Variants in RAB37 observed in about 807,000 individuals in gnomAD.
The protein encoded by RAB37 is RAB37, member RAS oncogene family.
Under a neutral mutation model 33.1 loss-of-function variants are expected in RAB37, and 29 were observed. That is an observed-to-expected ratio of 0.88 (90% CI 0.65 to 1.20). RAB37 has a LOEUF of 1.20. Among genes scored for constraint, RAB37 ranks in the 50% most tolerant of loss-of-function variants. The pLI is 0.00. For synonymous variants in RAB37, 128 were observed against 119.5 expected, an observed-to-expected ratio of 1.07 and a Z score of -0.47; for missense variants, 299 against 301.1, an observed-to-expected ratio of 0.99 and a Z score of 0.05.
At chr17:74,693,139 G>T (rs2032197513) in intron 1 of RAB37, among the ~76,000 whole-genome samples, 1 of 152,220 alleles carries the variant, frequency 6.6e-6, no homozygotes, top group Admixed American at 6.5e-5. Context: ...GCCAAGGAAG[G>T]CCTCTTCTAA....
At chr17:74,712,136 C>G (rs564647635) in intron 1 of RAB37, among the ~76,000 whole-genome samples, 2 of 151,974 alleles carry the variant, frequency 1.3e-5, no homozygotes, top group Non-Finnish European at 2.9e-5. Context: ...GGTCTCGAAT[C>G]CCTGAGCTCA....
At position 74,742,225 on chromosome 17, in the gene RAB37, C is replaced by T. The variant is rs1477147252; in HGVS notation, c.205-29C>T. ...GCTGAGGAGCCACATGACTCCTGCC[C>T]TCCCATCCTCTGCCTTTTTCTCTTT... On this transcript the variant is annotated intron_variant, in intron 2 of 8. Coordinates refer to ENST00000392613, the MANE Select transcript of RAB37 (RefSeq NM_001006638.3). The surrounding 1 kb of genome is among the most constrained non-coding windows in gnomAD (Gnocchi z 4.0). 2 of 1,611,398 alleles carry T rather than the reference C, an allele frequency of 1.2e-6. No individual in the cohort carries two copies. Among genetic ancestry groups the T allele is most frequent in the Admixed American group, 1.7e-5 (1 of 59,812 alleles).
upstream of RAB37, among the ~76,000 whole-genome samples, chr17:74,735,880 G>A (rs1309961410): frequency 6.6e-6 from 1 of 152,126 alleles, no homozygotes; most frequent in Non-Finnish European, 1.5e-5. Context: ...CATAAGCCAC[G>A]TCTACCCCTG....
chr17:74,720,008 T>C (rs1347947845), intron 1 of RAB37, among the ~76,000 whole-genome samples: 4 of 152,216 alleles, frequency 2.6e-5, no homozygotes, highest in Non-Finnish European at 5.9e-5. Flanking sequence ...TTCATCATAC[T>C]ATATACATCA....
intron 1 of RAB37, among the ~76,000 whole-genome samples, chr17:74,697,571 G>C (rs1372339474): frequency 2.6e-5 from 4 of 152,206 alleles, no homozygotes; most frequent in Non-Finnish European, 4.4e-5. Context: ...GGAGGGAGAA[G>C]TGTTGGAGGG....
chr17:74,720,048 T>C (rs2034218486), intron 1 of RAB37, among the ~76,000 whole-genome samples: 1 of 152,188 alleles, frequency 6.6e-6, no homozygotes, highest in Admixed American at 6.5e-5. Flanking sequence ...TGCTTAATAA[T>C]GAACTTTCTC....
chr17:74,728,965 T>A (rs1029926423), intron 1 of RAB37, among the ~76,000 whole-genome samples: 1 of 152,034 alleles, frequency 6.6e-6, no homozygotes, highest in African/African-American at 2.4e-5. Flanking sequence ...GTATGTGTTG[T>A]ACATGTGTGT....
intron 1 of RAB37, chr17:74,705,222 T>A: frequency 1.4e-6 from 1 of 702,506 alleles, no homozygotes; most frequent in South Asian, 1.5e-5. Flanking sequence ...TTAGCACTGA[T>A]GACCCTCATG....
At chr17:74,684,515 C>T (rs904982456) in intron 1 of RAB37, among the ~76,000 whole-genome samples, 7 of 152,002 alleles carry the variant, frequency 4.6e-5, no homozygotes, top group Admixed American at 6.5e-5. Flanking sequence ...GGACTGCGCA[C>T]GGTGGCTTAC....
At chr17:74,737,452 C>T in intron 1 of RAB37, 87 bp downstream of exon 1, 2 of 1,376,570 alleles carry the variant, frequency 1.5e-6, no homozygotes, top group Non-Finnish European at 1.9e-6. Context: ...GCCCTTCCCC[C>T]AGGCAGCTGC....
At chr17:74,737,582 T>TA (rs1017216241) in intron 1 of RAB37, among the ~76,000 whole-genome samples, 10 of 151,172 alleles carry the variant, frequency 6.6e-5, no homozygotes, top group African/African-American at 2.2e-4. Context: ...AACTGAGTGA[T>TA]CCCCCCGCCG....
Position 74,744,668 on chromosome 17 carries a change from G to A in RAB37, c.433-205G>A, listed in dbSNP as rs1314111997. ...GTGCAAAGGGTTAGCCCCAACTGCT[G>A]TCCTATTCCAAGACCCTTTACCAAA... On this transcript the variant is annotated intron_variant, in intron 6 of 8. Transcript: ENST00000392613. The surrounding 1 kb of genome is among the most constrained non-coding windows in gnomAD (Gnocchi z 4.2). 4.6e-6 allele frequency: 3 copies of A among 653,378 alleles called. No individual in the cohort carries two copies. The highest frequency in any genetic ancestry group is 8.0e-6 in the Non-Finnish European group (3 of 372,704). 40.5% of individuals were successfully genotyped at this position (653,378 alleles called of 1,614,324 possible).
At chr17:74,740,990 T>C (rs938449597) in intron 2 of RAB37, 112 bp downstream of exon 2, 12 of 795,282 alleles carry the variant, frequency 1.5e-5, no homozygotes, top group Non-Finnish European at 2.6e-5. Context: ...CCGAGGCTCA[T>C]GCCTGGAGGG....
At chr17:74,678,483 T>C (rs912194591) in intron 1 of RAB37, among the ~76,000 whole-genome samples, 1 of 152,204 alleles carries the variant, frequency 6.6e-6, no homozygotes, top group African/African-American at 2.4e-5. Context: ...TATCAGCGCC[T>C]TTTCATTTGC....
At chr17:74,707,139 C>T (rs1348484869) in intron 1 of RAB37, among the ~76,000 whole-genome samples, 1 of 152,142 alleles carries the variant, frequency 6.6e-6, no homozygotes, top group Non-Finnish European at 1.5e-5. Context: ...ACAAATGGGA[C>T]TCACAAAACC....
chr17:74,728,851 T>C (rs1034743159), intron 1 of RAB37, among the ~76,000 whole-genome samples: 4 of 152,090 alleles, frequency 2.6e-5, no homozygotes, highest in Non-Finnish European at 2.9e-5. Context: ...TGTGCATGTA[T>C]GTTTCTGTGC....
chr17:74,683,703 T>C (rs1401115823), intron 1 of RAB37, among the ~76,000 whole-genome samples: 1 of 152,226 alleles, frequency 6.6e-6, no homozygotes, highest in East Asian at 1.9e-4. Context: ...GGGGTAGTTT[T>C]GAGCTATTCC....
At chr17:74,695,063 G>A in intron 1 of RAB37, 1 of 1,601,304 alleles carries the variant, frequency 6.2e-7, no homozygotes, top group Non-Finnish European at 8.5e-7. Flanking sequence ...TGTGCTCACA[G>A]CCTGGGGTCC....
chr17:74,734,799 A>G (rs2144045102), upstream of RAB37, among the ~76,000 whole-genome samples: 1 of 151,938 alleles, frequency 6.6e-6, no homozygotes, highest in South Asian at 2.1e-4. Context: ...CAGTGAGCCA[A>G]GATCGTGCCA....
Sources: gnomAD v4.1 joint callset for allele counts (sites outside exome capture counted in the v4.1 genomes callset) on GRCh38, gnomAD v4.1.1 for gene constraint, Gnocchi (gnomAD v3.1) non-coding constraint, MANE v1.5 for transcripts, NCBI Gene and HGNC (gene_info 2026-07-23, HGNC 2026-07-21) for gene names.